OCIAD2: variants seen among roughly 807,000 people sequenced by gnomAD.
OCIAD2 encodes OCIA domain-containing protein 2.
Under a neutral mutation model 22.9 loss-of-function variants are expected in OCIAD2, and 29 were observed. The ratio of observed to expected loss-of-function variants is 1.27; its 90% CI spans 0.94 to 1.73. The LOEUF is 1.73. Ranked by LOEUF, OCIAD2 falls within the 40% of genes most tolerant of loss-of-function variation. OCIAD2 has a pLI of 0.00. For synonymous variants in OCIAD2, 67 were observed against 60.2 expected (o/e 1.11, Z -0.52); for missense variants, 189 against 180.3 (o/e 1.05, Z -0.28).
intron 2 of OCIAD2, 145 bp from the exon 3 acceptor site, chr4:48,900,070 TC>T: frequency 1.8e-6 from 1 of 553,348 alleles, no homozygotes; most frequent in South Asian, 2.3e-5. Flanking sequence ...ATTATCAGTT[TC>T]CAAGAGTGCT....
Position 48,892,357 on chromosome 4 carries a change from A to T in OCIAD2, c.383+415T>A, listed in dbSNP as rs532074732. 2.2e-3 allele frequency among the ~76,000 whole-genome samples: 334 copies of T among 152,356 alleles called. 3 individuals are homozygous for T. The highest frequency in any genetic ancestry group is 3.2e-3 in the Non-Finnish European group (217 of 68,032). On this transcript the variant is annotated intron_variant, in intron 6 of 6. Transcript: ENST00000508632. ...ACCAAGTACTATAACAGCAGAGGTGATGCCATTAACTCCAAAGTCGTACTG... is the reference window on the plus strand; with the variant it reads ...ACCAAGTACTATAACAGCAGAGGTGTTGCCATTAACTCCAAAGTCGTACTG...
intron 6 of OCIAD2, among the ~76,000 whole-genome samples, chr4:48,890,698 A>T (rs933497836): frequency 2.0e-5 from 3 of 152,170 alleles, no homozygotes; most frequent in African/African-American, 7.2e-5. Context: ...AAGTTTTATA[A>T]TCTTACAAAT....
chr4:48,904,292 CA>C (rs1183897562), intron 2 of OCIAD2, among the ~76,000 whole-genome samples, 191 bp downstream of exon 2: 2 of 151,652 alleles, frequency 1.3e-5, no homozygotes, highest in African/African-American at 2.4e-5. Flanking sequence ...TGTCTAACCA[CA>C]AAAAAAATTA....
At chr4:48,904,448 C>G in intron 2 of OCIAD2, 36 bp downstream of exon 2, 1 of 1,572,746 alleles carries the variant, frequency 6.4e-7, no homozygotes. Context: ...GATCGTGTCT[C>G]AATCAATGAA....
intron 2 of OCIAD2, among the ~76,000 whole-genome samples, chr4:48,903,678 G>A (rs1037107246): frequency 3.6e-5 from 5 of 137,286 alleles, no homozygotes; most frequent in East Asian, 2.1e-4. Context: ...ACAGAGTCTC[G>A]CTCTGTTGCC....
intron 6 of OCIAD2, among the ~76,000 whole-genome samples, chr4:48,886,941 G>A (rs914922136): frequency 1.3e-5 from 2 of 152,138 alleles, no homozygotes; most frequent in Non-Finnish European, 2.9e-5. Context: ...GGTTGAACTA[G>A]TTTACAGTCC....
Position 48,892,798 on chromosome 4 carries a change from C to T in OCIAD2, c.357G>A (p.Gly119=), listed in dbSNP as rs1339327725. The T allele has an allele frequency of 6.2e-7, 1 of 1,605,108 alleles. No homozygotes were observed. The highest frequency in any genetic ancestry group is 1.7e-5 in the Admixed American group (1 of 59,704). Residue 119 remains glycine (G), a synonymous_variant, in exon 6 of 7, where the codon GGG becomes GGA. Transcript: ENST00000508632. The stretch of plus-strand genomic sequence containing the variant: ...TGTTATGCTGTGGACCAAAACCAGC[C>T]CCACGGAGCTGATCTTCAAAAAAAT... ...KFHFFEDQLR[G]AGFGPQHNRH... is the part of the protein sequence containing the mutation.
intron 1 of OCIAD2, among the ~76,000 whole-genome samples, chr4:48,906,100 T>C (rs1031376087): frequency 2.0e-5 from 3 of 152,222 alleles, no homozygotes; most frequent in African/African-American, 4.8e-5. Context: ...CTGCCCTATA[T>C]TGGGAGGCAA....
At chr4:48,890,329 G>A (rs1353213840) in intron 6 of OCIAD2, among the ~76,000 whole-genome samples, 3 of 151,976 alleles carry the variant, frequency 2.0e-5, no homozygotes, top group Admixed American at 2.0e-4. Context: ...AGCCAATAAT[G>A]AGCTTTATGT....
rs186577233 is a variant in OCIAD2 at position 48,903,703 on chromosome 4, C to T, written c.66+781G>A. Among the ~76,000 whole-genome samples the T allele has an allele frequency of 3.5e-4, 51 of 145,236 alleles. No homozygotes were observed. In the East Asian group the frequency reaches 9.8e-3, roughly 28 times the overall value. ...GCTCTGTTGCCAGGCTGGAGTGCAGCGGCCTGATCTCGGCTCACTGCAAGC... is the reference window on the plus strand; with the variant it reads ...GCTCTGTTGCCAGGCTGGAGTGCAGTGGCCTGATCTCGGCTCACTGCAAGC... On this transcript the variant is annotated intron_variant, in intron 2 of 6. Transcript: ENST00000508632.
chr4:48,885,967 C>T (rs553865597), intron 6 of OCIAD2, among the ~76,000 whole-genome samples: 142 of 152,252 alleles, frequency 9.3e-4, no homozygotes, highest in Non-Finnish European at 1.7e-3. Context: ...TTGTTACCAT[C>T]GCTTTTGGTG....
At chr4:48,904,848 A>G (rs1265978947) in intron 1 of OCIAD2, among the ~76,000 whole-genome samples, 1 of 152,188 alleles carries the variant, frequency 6.6e-6, no homozygotes, top group African/African-American at 2.4e-5. Flanking sequence ...CTGAGTGTCG[A>G]TTATGTGCCA....
intron 4 of OCIAD2, among the ~76,000 whole-genome samples, chr4:48,894,931 T>C (rs1337540469): frequency 6.6e-6 from 1 of 152,206 alleles, no homozygotes; most frequent in Non-Finnish European, 1.5e-5. Flanking sequence ...ATGGAACTAA[T>C]GTTGCTAATC....
intron 6 of OCIAD2, among the ~76,000 whole-genome samples, chr4:48,887,770 A>G (rs934724247): frequency 5.9e-5 from 9 of 152,142 alleles, no homozygotes; most frequent in Admixed American, 1.3e-4. Flanking sequence ...GTCAGGTAGC[A>G]TGATGCCTCC....
intron 6 of OCIAD2, among the ~76,000 whole-genome samples, chr4:48,886,080 T>A (rs1780977956): frequency 1.3e-5 from 2 of 152,240 alleles, no homozygotes; most frequent in African/African-American, 4.8e-5. Flanking sequence ...AAGTCATTAA[T>A]CCATCTTGAA....
At position 48,885,339 on chromosome 4, in the gene OCIAD2, A is replaced by G. The variant is rs1201717187; in HGVS notation, c.*145T>C. ...AACATGTAACGCTTAGTTCACTTGAAAGCCTTCCACGGAATACATTTCAGT... is the reference window on the plus strand; with the variant it reads ...AACATGTAACGCTTAGTTCACTTGAGAGCCTTCCACGGAATACATTTCAGT... On this transcript the variant is annotated 3_prime_UTR_variant, in exon 7 of 7. Transcript: ENST00000508632. 5.8e-6 allele frequency: 4 copies of G among 684,722 alleles called. No homozygotes were observed. The Admixed American group carries it at 6.9e-5, about 12-fold the overall frequency. 42.4% of individuals were successfully genotyped at this position (684,722 alleles called of 1,614,324 possible).
chr4:48,904,483 C>G lies in OCIAD2; in HGVS notation c.66+1G>C. ...ATCGATCAATAAATATAAAAGTATACCTGCTTGCTTGGTGGTGGAAAATGG... is the reference window on the plus strand; with the variant it reads ...ATCGATCAATAAATATAAAAGTATAGCTGCTTGCTTGGTGGTGGAAAATGG... On this transcript the variant is annotated splice_donor_variant, in intron 2 of 6. Coordinates refer to ENST00000508632, the MANE Select transcript of OCIAD2 (RefSeq NM_001014446.3). LOFTEE classifies it high-confidence loss of function. 1 of 1,613,190 alleles carries G rather than the reference C, an allele frequency of 6.2e-7. No individual in the cohort carries two copies. The highest frequency in any genetic ancestry group is 2.2e-5 in the East Asian group (1 of 44,878).
chr4:48,889,589 T>TA (rs759647500), intron 6 of OCIAD2, among the ~76,000 whole-genome samples: 4 of 152,136 alleles, frequency 2.6e-5, no homozygotes, highest in African/African-American at 7.2e-5. Flanking sequence ...TGGCGATCAT[T>TA]AAAAAATCAG....
At chr4:48,904,942 A>G (rs1781495387) in intron 1 of OCIAD2, among the ~76,000 whole-genome samples, 1 of 152,216 alleles carries the variant, frequency 6.6e-6, no homozygotes. Context: ...ACAAGTCAAC[A>G]GTTACACAAC....
Sources: gnomAD v4.1 joint callset for allele counts (sites outside exome capture counted in the v4.1 genomes callset) on GRCh38, gnomAD v4.1.1 for gene constraint, MANE v1.5 for transcripts, NCBI Gene and HGNC (gene_info 2026-07-23, HGNC 2026-07-21) for gene names.